The following IRAG1 variants were observed in gnomAD, a reference collection of about 807,000 sequenced individuals.
IRAG1 encodes inositol 1,4,5-triphosphate receptor associated 1, also known as IP3R-associated cGMP kinase substrate.
A neutral mutation model predicts 106.2 loss-of-function variants in IRAG1; 62 were observed. The observed-to-expected ratio is 0.58, with a 90% CI of 0.48 to 0.72. IRAG1 has a LOEUF of 0.72. Ranked by LOEUF, IRAG1 falls within the 30% of genes least tolerant of loss-of-function variation. The pLI is 0.00. For missense variants in IRAG1, 1,064 were observed against 1,140.7 expected, an observed-to-expected ratio of 0.93 and a Z score of 0.97; for synonymous variants, 462 against 443.9, an observed-to-expected ratio of 1.04 and a Z score of -0.51.
rs1850697132 is a variant in IRAG1, at chr11:10,573,806, T to TCGAAC, written c.*2525_*2526insGTTCG. Reference sequence around the variant, plus strand: ...GGCCCTGCTTTAAGGGAGGCAGAGATTGAACATTCCCCACCTGGAGTTCTG... The same window carrying TCGAAC: ...GGCCCTGCTTTAAGGGAGGCAGAGATCGAACTGAACATTCCCCACCTGGAGTTCTG... On this transcript the variant is annotated 3_prime_UTR_variant, in exon 21 of 21. Coordinates refer to ENST00000423302, the MANE Select transcript of IRAG1 (RefSeq NM_130385.4). The TCGAAC allele has an allele frequency of 6.6e-6, 1 of 152,234 alleles. No individual in the cohort carries two copies. Among genetic ancestry groups the TCGAAC allele is most frequent in the Non-Finnish European group, 1.5e-5 (1 of 68,092 alleles). The allele number at this position is 152,234 out of a possible 1,614,324, so 9.4% of individuals were successfully genotyped here.
chr11:10,613,730 G>A (rs1210311553), intron 10 of IRAG1, among the ~76,000 whole-genome samples: 1 of 152,182 alleles, frequency 6.6e-6, no homozygotes, highest in East Asian at 1.9e-4. Context: ...GTGAAGGTGG[G>A]AAGATATTCG....
At chr11:10,627,903 C>G in intron 7 of IRAG1, 70 bp downstream of exon 7, 2 of 1,576,354 alleles carry the variant, frequency 1.3e-6, no homozygotes, top group Non-Finnish European at 1.7e-6. Context: ...CGAAGGGCCT[C>G]CTGGTGTTCG....
chr11:10,634,057 T>G lies in IRAG1; in HGVS notation c.240A>C (p.Ala80=), dbSNP rs1856944236. ...TGGGAGTTGGACTGCAAGATACTCC[T>G]GCGGCAGGAGGACCCTGCCGGTTTA... ...QSPAGQGPPA[A]GVSCSPTPTI... Residue 80 remains alanine (A), a synonymous_variant, in exon 3 of 21, where the codon GCA becomes GCC. Transcript: ENST00000423302. 1.9e-6 allele frequency: 3 copies of G among 1,610,140 alleles called. No individual in the cohort carries two copies. Among genetic ancestry groups the G allele is most frequent in the Non-Finnish European group, 2.5e-6 (3 of 1,177,660 alleles).
intron 10 of IRAG1, chr11:10,617,218 T>A: frequency 2.0e-6 from 2 of 985,002 alleles, no homozygotes; most frequent in Non-Finnish European, 2.4e-6. Flanking sequence ...TTAAGGAGAA[T>A]AAAAATCATT....
chr11:10,576,225 G>A lies in IRAG1; in HGVS notation c.*107C>T. 1.4e-6 allele frequency: 2 copies of A among 1,445,774 alleles called. No individual in the cohort carries two copies. Among genetic ancestry groups the A allele is most frequent in the South Asian group, 2.5e-5 (2 of 79,010 alleles). 89.6% of individuals were successfully genotyped at this position (1,445,774 alleles called of 1,614,324 possible). A position where few individuals can be genotyped will look rare whatever the true frequency, so the allele number is the denominator to read the frequency against. The stretch of plus-strand genomic sequence containing the variant: ...TTAAAAGAACCCTTCCTCATGACCT[G>A]ATGGGATGGGCGGCAGTGTGTCCAC... On this transcript the variant is annotated 3_prime_UTR_variant, in exon 21 of 21. Transcript: ENST00000423302.
intron 1 of IRAG1, chr11:10,690,270 A>C (rs7123827): frequency 0.46 from 258,362 of 561,284 alleles, 61,792 homozygotes; most frequent in Middle Eastern, 0.52. Context: ...CTCACCTGTA[A>C]TCCCAGCTAC....
chr11:10,656,176 G>GA (rs1225152395), intron 1 of IRAG1, among the ~76,000 whole-genome samples: 1 of 152,142 alleles, frequency 6.6e-6, no homozygotes, highest in Non-Finnish European at 1.5e-5. Context: ...CCCATAAAAG[G>GA]AAAAAATATT....
chr11:10,625,670 GC>G (rs1461770889), intron 9 of IRAG1, among the ~76,000 whole-genome samples: 5 of 152,088 alleles, frequency 3.3e-5, no homozygotes, highest in African/African-American at 9.7e-5. Context: ...GGACTGAGGG[GC>G]CCACATGTCC....
chr11:10,664,527 A>G (rs1859646066), intron 1 of IRAG1, among the ~76,000 whole-genome samples: 1 of 152,192 alleles, frequency 6.6e-6, no homozygotes, highest in African/African-American at 2.4e-5. Flanking sequence ...CAGTCTCTCC[A>G]TCTCAATAGT....
At chr11:10,692,588 G>A (rs1233967127) in intron 1 of IRAG1, among the ~76,000 whole-genome samples, 1 of 152,126 alleles carries the variant, frequency 6.6e-6, no homozygotes, top group South Asian at 2.1e-4. Context: ...ACAGTCCCAG[G>A]AAGCTTCCTC....
rs776201536 is a variant in IRAG1, at chr11:10,656,578, T to G, written c.68-4396A>C. ...AATATGCTTTTGTTCATGCTTTCAT[T>G]CTTCAGCTACTTCTAAGTCGCCTAC... On this transcript the variant is annotated intron_variant, in intron 1 of 20. Transcript: ENST00000423302. Among the ~76,000 whole-genome samples, 7 of 152,370 alleles carry G rather than the reference T, an allele frequency of 4.6e-5. 1 individual carries two copies. In the South Asian group the frequency reaches 1.2e-3, roughly 27 times the overall value.
At chr11:10,591,379 T>C (rs1852652671) in intron 18 of IRAG1, among the ~76,000 whole-genome samples, 169 bp downstream of exon 18, 1 of 152,214 alleles carries the variant, frequency 6.6e-6, no homozygotes, top group Non-Finnish European at 1.5e-5. Flanking sequence ...TTCAAGAATT[T>C]TGCAAACAGG....
At chr11:10,648,490 G>A (rs1256624198) in intron 2 of IRAG1, among the ~76,000 whole-genome samples, 1 of 152,208 alleles carries the variant, frequency 6.6e-6, no homozygotes, top group Non-Finnish European at 1.5e-5. Context: ...TGGGGCTCAC[G>A]TTATAGAGAG....
At chr11:10,643,496 C>T (rs114346475) in intron 2 of IRAG1, among the ~76,000 whole-genome samples, 3 of 152,350 alleles carry the variant, frequency 2.0e-5, no homozygotes, top group African/African-American at 7.2e-5. Context: ...TACTCTCATG[C>T]CAACAGACTC....
intron 3 of IRAG1, among the ~76,000 whole-genome samples, chr11:10,633,367 G>A (rs569912357): frequency 1.4e-4 from 22 of 152,164 alleles, no homozygotes; most frequent in South Asian, 6.2e-4. Context: ...GAGCCACTGC[G>A]CCCGGCCGAG....
Position 10,609,810 on chromosome 11 carries a change from A to T in IRAG1, c.1489T>A (p.Ser497Thr). 1 of 1,613,770 alleles carries T rather than the reference A, an allele frequency of 6.2e-7. No individual in the cohort carries two copies. The highest frequency in any genetic ancestry group is 8.5e-7 in the Non-Finnish European group (1 of 1,179,836). ...ELSPAIEEEE[S>T]KSGLDVMPNI... is the part of the protein sequence containing the mutation. ...GGCATGACATCTAAGCCACTCTTTG[A>T]CTCTTCTTCCTCAATAGCTGGGGAG... Residue 497 changes from serine to threonine, a missense_variant, in exon 11 of 21, where the codon TCA (serine) becomes ACA (threonine). Ser to Thr is a moderately conservative substitution (Grantham distance 58, BLOSUM62 1). Transcript: ENST00000423302.
chr11:10,636,656 A>G (rs1453260041), intron 2 of IRAG1, among the ~76,000 whole-genome samples: 1 of 152,264 alleles, frequency 6.6e-6, no homozygotes, highest in Non-Finnish European at 1.5e-5. Flanking sequence ...AGCAAGGGAT[A>G]CAGGGAAGTA....
intron 1 of IRAG1, among the ~76,000 whole-genome samples, chr11:10,685,836 A>C (rs913069652): frequency 6.6e-6 from 1 of 152,124 alleles, no homozygotes; most frequent in Non-Finnish European, 1.5e-5. Context: ...AACCAGGCTT[A>C]GGGATAGGTC....
In IRAG1 at chr11:10,628,361, T is replaced by G. The variant is rs1015131206; in HGVS notation, c.653-336A>C. ...CCTGGCACCCTCCCCCTTTCCTTGT[T>G]GGCTGGAGGGTGTGACTCTGGGTAC... On this transcript the variant is annotated intron_variant, in intron 6 of 20. Transcript: ENST00000423302. This position sits in a 1 kb window ranked among gnomAD's most constrained non-coding sequence, Gnocchi z 4.1. 6.6e-6 allele frequency among the ~76,000 whole-genome samples: 1 copy of G among 152,156 alleles called. No homozygotes were observed. The highest frequency in any genetic ancestry group is 2.4e-5 in the African/African-American group (1 of 41,444).
Sources: allele counts gnomAD v4.1 joint callset (sites outside exome capture counted in the v4.1 genomes callset), GRCh38; gene constraint gnomAD v4.1.1; non-coding constraint Gnocchi (gnomAD v3.1); transcripts MANE v1.5; gene names NCBI Gene and HGNC (gene_info 2026-07-23, HGNC 2026-07-21).